The following PDE4D variants were observed in gnomAD, a reference collection of about 807,000 sequenced individuals.
The protein encoded by PDE4D is 3',5'-cyclic-AMP phosphodiesterase 4D.
PDE4D carries 24 observed loss-of-function variants against 87.4 expected under a neutral mutation model. That is an observed-to-expected ratio of 0.27 (90% CI 0.20 to 0.39). The LOEUF (loss-of-function observed/expected upper bound fraction) is 0.39, where lower values mean the gene tolerates loss of function less well. Among genes scored for constraint, PDE4D ranks in the 10% least tolerant of loss-of-function variants. The pLI, the probability that PDE4D is intolerant of heterozygous loss-of-function variation, is 1.00. For missense variants in PDE4D, 714 were observed against 1,041.0 expected (o/e 0.69, Z 4.32); for synonymous variants, 384 against 383.2 (o/e 1.00, Z -0.02).
intron 5 of PDE4D, among the ~76,000 whole-genome samples, chr5:59,068,008 T>C (rs951168752): frequency 6.6e-6 from 1 of 152,210 alleles, no homozygotes; most frequent in African/African-American, 2.4e-5. Flanking sequence ...TCTAAGACTA[T>C]CGTAATGAAG....
At chr5:59,345,650 G>A (rs145735758) in intron 1 of PDE4D, among the ~76,000 whole-genome samples, 6 of 152,264 alleles carry the variant, frequency 3.9e-5, no homozygotes, top group Non-Finnish European at 8.8e-5. Context: ...TAAAAGGCAT[G>A]ATGACATTGT....
intron 1 of PDE4D, among the ~76,000 whole-genome samples, chr5:59,374,439 C>T (rs567628985): frequency 5.3e-5 from 8 of 152,246 alleles, no homozygotes; most frequent in African/African-American, 1.7e-4. Flanking sequence ...AAGGGCATTA[C>T]ATCATGGTAA....
chr5:60,297,062 C>G (rs1345338213), intron 1 of PDE4D, among the ~76,000 whole-genome samples: 4 of 151,998 alleles, frequency 2.6e-5, no homozygotes, highest in Non-Finnish European at 2.9e-5. Flanking sequence ...GCACGTTCTG[C>G]CCATGTATCC....
intron 6 of PDE4D, among the ~76,000 whole-genome samples, chr5:59,002,976 A>T (rs1243838245): frequency 1.3e-5 from 2 of 152,242 alleles, no homozygotes; most frequent in African/African-American, 4.8e-5. Flanking sequence ...AATGATCATT[A>T]TGATAATCAT....
At chr5:59,142,118 A>G (rs1777984604) in intron 5 of PDE4D, among the ~76,000 whole-genome samples, 1 of 152,214 alleles carries the variant, frequency 6.6e-6, no homozygotes, top group Non-Finnish European at 1.5e-5. Flanking sequence ...AGGGAAAAAG[A>G]TAAGAGGTAA....
chr5:59,638,361 T>G (rs930210400), intron 1 of PDE4D, among the ~76,000 whole-genome samples: 1 of 152,148 alleles, frequency 6.6e-6, no homozygotes, highest in African/African-American at 2.4e-5. Flanking sequence ...GGAGTGTGTG[T>G]GTGCTGCCTT....
intron 5 of PDE4D, among the ~76,000 whole-genome samples, chr5:59,084,284 A>G (rs2153425070): frequency 6.6e-6 from 1 of 152,190 alleles, no homozygotes; most frequent in South Asian, 2.1e-4. Context: ...GGAAAAGAAC[A>G]TCAGAGCCCT....
chr5:59,847,429 C>A (rs1744028175), intron 1 of PDE4D, among the ~76,000 whole-genome samples: 1 of 151,974 alleles, frequency 6.6e-6, no homozygotes, highest in African/African-American at 2.4e-5. Context: ...TTTGGCTGTG[C>A]AGAATGCTAA....
chr5:59,642,876 A>C (rs1385844724), intron 1 of PDE4D, among the ~76,000 whole-genome samples: 2 of 152,224 alleles, frequency 1.3e-5, no homozygotes, highest in Non-Finnish European at 2.9e-5. Flanking sequence ...ATAACAAAAT[A>C]CTTCTAATAA....
chr5:59,433,556 G>C (rs903582704), intron 1 of PDE4D, among the ~76,000 whole-genome samples: 2 of 151,974 alleles, frequency 1.3e-5, no homozygotes, highest in African/African-American at 4.8e-5. Flanking sequence ...AGGAAAATAA[G>C]AACACATTGG....
chr5:60,111,200 A>T (rs1777639840), intron 2 of PDE4D, among the ~76,000 whole-genome samples: 1 of 152,038 alleles, frequency 6.6e-6, no homozygotes, highest in Non-Finnish European at 1.5e-5. Flanking sequence ...GTTTGAGGTG[A>T]TGTATACGCT....
At chr5:59,519,177 T>C (rs1184211100) in intron 1 of PDE4D, among the ~76,000 whole-genome samples, 1 of 152,148 alleles carries the variant, frequency 6.6e-6, no homozygotes, top group East Asian at 1.9e-4. Flanking sequence ...TGAGCACCTA[T>C]TATGTGACAG....
chr5:59,416,360 G>A (rs925585646), intron 1 of PDE4D, among the ~76,000 whole-genome samples: 2 of 152,134 alleles, frequency 1.3e-5, no homozygotes, highest in African/African-American at 4.8e-5. Context: ...AAAACCAGGG[G>A]CTATTCAGGA....
intron 1 of PDE4D, among the ~76,000 whole-genome samples, chr5:59,227,711 G>C (rs555671986): frequency 2.6e-4 from 39 of 152,266 alleles, no homozygotes; most frequent in Non-Finnish European, 5.3e-4. Flanking sequence ...TTTCATACCA[G>C]TCAGAATGGC....
intron 1 of PDE4D, among the ~76,000 whole-genome samples, chr5:60,337,351 C>CTATATATATATATATATATATATATA (rs748923956): frequency 4.8e-5 from 3 of 62,230 alleles, no homozygotes; most frequent in Non-Finnish European, 6.7e-5. Flanking sequence ...AACAAACAAA[C>CTATATATATATATATATATATATATA]TATATATATA....
At position 59,734,938 on chromosome 5, in the gene PDE4D, G is replaced by A. The variant is rs143628211; in HGVS notation, c.455+158230C>T. On this transcript the variant is annotated intron_variant, in intron 1 of 14. Transcript: ENST00000340635. ...CATATACCATGATGTGCTCATGAAT[G>A]CAAGCCTTAATAGGAATTACATACT... 2.0e-5 allele frequency among the ~76,000 whole-genome samples: 3 copies of A among 152,268 alleles called. No individual in the cohort carries two copies. The East Asian group carries it at 5.8e-4, about 29-fold the overall frequency.
chr5:59,911,215 G>A (rs762866946), intron 3 of PDE4D, among the ~76,000 whole-genome samples: 1 of 152,170 alleles, frequency 6.6e-6, no homozygotes, highest in Non-Finnish European at 1.5e-5. Context: ...CATGCATCTA[G>A]AGGTCACAAG....
intron 1 of PDE4D, among the ~76,000 whole-genome samples, chr5:60,191,092 A>G (rs1235326348): frequency 1.3e-5 from 2 of 152,162 alleles, no homozygotes; most frequent in Non-Finnish European, 2.9e-5. Flanking sequence ...AAGTCCAACA[A>G]AAGCCCTTCT....
intron 3 of PDE4D, among the ~76,000 whole-genome samples, chr5:59,974,489 A>T (rs769981627): frequency 1.3e-5 from 2 of 152,300 alleles, no homozygotes; most frequent in Middle Eastern, 3.4e-3. Context: ...GAAGATGCAG[A>T]AGTACTGAAA....
Sources: allele counts gnomAD v4.1 joint callset (sites outside exome capture counted in the v4.1 genomes callset), GRCh38; gene constraint gnomAD v4.1.1; transcripts MANE v1.5; gene names NCBI Gene and HGNC (gene_info 2026-07-23, HGNC 2026-07-21).